The following KPNA5 variants were observed in gnomAD, a reference collection of about 807,000 sequenced individuals.
KPNA5 encodes the protein karyopherin subunit alpha 5, also known as importin subunit alpha-6.
KPNA5 carries 46 observed loss-of-function variants against 71.3 expected under a neutral mutation model. The ratio of observed to expected loss-of-function variants is 0.65; its 90% CI spans 0.51 to 0.83. KPNA5 has a LOEUF of 0.83. Ranked by LOEUF, KPNA5 falls within the 40% of genes least tolerant of loss-of-function variation. The pLI is 0.00. For synonymous variants in KPNA5, 207 were observed against 201.4 expected, an observed-to-expected ratio of 1.03 and a Z score of -0.24; for missense variants, 547 against 628.3, an observed-to-expected ratio of 0.87 and a Z score of 1.38.
At chr6:116,707,703 T>G (rs992531352) in intron 7 of KPNA5, among the ~76,000 whole-genome samples, 1 of 152,236 alleles carries the variant, frequency 6.6e-6, no homozygotes, top group Non-Finnish European at 1.5e-5. Context: ...TCTGTTGTAT[T>G]TTGGGGAAAT....
intron 4 of KPNA5, among the ~76,000 whole-genome samples, chr6:116,694,031 A>G (rs12179573): frequency 0.021 from 3,153 of 152,248 alleles, 40 homozygotes; most frequent in African/African-American, 0.072. Context: ...AGGTTTGTCA[A>G]AGATCAGATA....
intron 2 of KPNA5, among the ~76,000 whole-genome samples, chr6:116,691,432 T>C (rs1323888352): frequency 6.6e-6 from 1 of 152,072 alleles, no homozygotes; most frequent in Non-Finnish European, 1.5e-5. Context: ...TATTTTTTAT[T>C]GTTATTATTA....
At chr6:116,717,258 T>G (rs1202628805) in intron 8 of KPNA5, among the ~76,000 whole-genome samples, 1 of 152,226 alleles carries the variant, frequency 6.6e-6, no homozygotes, top group East Asian at 1.9e-4. Context: ...TGTCTTAGTA[T>G]TATTATGAAA....
Position 116,701,717 on chromosome 6 carries a change from G to C in KPNA5, c.436-302G>C, listed in dbSNP as rs1047439195. ...TGCTTGCCTCTGTAATAATAAACAG[G>C]AGTTTTATGCATTATAAATTCAAAG... On this transcript the variant is annotated intron_variant, in intron 5 of 13. Transcript: ENST00000368564. Among the ~76,000 whole-genome samples the C allele has an allele frequency of 1.5e-3, 221 of 151,606 alleles. 2 individuals carry two copies. Among genetic ancestry groups the C allele is most frequent in the Non-Finnish European group, 6.9e-4 (47 of 67,988 alleles).
In KPNA5 at chr6:116,737,026, T is replaced by C. The variant is rs1276652418; in HGVS notation, c.*4703T>C. On this transcript the variant is annotated 3_prime_UTR_variant, in exon 14 of 14. Transcript: ENST00000368564. ...TCTGTCATTTCTTGCTCTGTTTCTG[T>C]TTATTGATTTTTTTATTATGAGTTG... The C allele has an allele frequency of 6.6e-6, 1 of 151,936 alleles. No individual in the cohort carries two copies. Among genetic ancestry groups the C allele is most frequent in the African/African-American group, 2.4e-5 (1 of 41,406 alleles). 9.4% of individuals were successfully genotyped at this position (151,936 alleles called of 1,614,324 possible).
In KPNA5 at chr6:116,681,226, C is replaced by T. The variant is rs1167911578; in HGVS notation, c.-109C>T. The T allele has an allele frequency of 8.1e-6, 12 of 1,483,868 alleles. No individual in the cohort carries two copies. Among genetic ancestry groups the T allele is most frequent in the East Asian group, 2.3e-5 (1 of 43,250 alleles). 91.9% of individuals were successfully genotyped at this position (1,483,868 alleles called of 1,614,324 possible). On this transcript the variant is annotated 5_prime_UTR_variant, in exon 1 of 14. Coordinates refer to ENST00000368564, the MANE Select transcript of KPNA5 (RefSeq NM_001366306.2). Reference sequence around the variant, plus strand: ...GGTGGCCGCCATCTTGGATTGCGAACTGGGTCGCTACGCTTCACGCCAGGG... The same window carrying T: ...GGTGGCCGCCATCTTGGATTGCGAATTGGGTCGCTACGCTTCACGCCAGGG...
rs577720209 is a variant in KPNA5 at position 116,707,679 on chromosome 6, A to G, written c.656+2519A>G. On this transcript the variant is annotated intron_variant, in intron 7 of 13. Transcript: ENST00000368564. ...CTTAGCATACAAAAGCAGTATAACT[A>G]TTTTATTTCTAAATCTGTTGTATTT... Among the ~76,000 whole-genome samples the G allele has an allele frequency of 1.2e-4, 19 of 152,330 alleles. No homozygotes were observed. The South Asian group carries it at 3.5e-3, about 28-fold the overall frequency.
chr6:116,703,567 G>C (rs1042268858), intron 6 of KPNA5, among the ~76,000 whole-genome samples: 9 of 152,010 alleles, frequency 5.9e-5, no homozygotes, highest in Non-Finnish European at 1.2e-4. Context: ...CCGGCCAAAA[G>C]ATAAAATTTT....
intron 8 of KPNA5, among the ~76,000 whole-genome samples, chr6:116,717,807 G>C (rs1778944834): frequency 1.3e-5 from 2 of 152,058 alleles, no homozygotes; most frequent in Admixed American, 1.3e-4. Flanking sequence ...CCTTACACTT[G>C]GGAGGTGAGC....
At chr6:116,730,120 T>TC (rs1241684281) in intron 13 of KPNA5, among the ~76,000 whole-genome samples, 6 of 146,312 alleles carry the variant, frequency 4.1e-5, no homozygotes, top group Middle Eastern at 3.2e-3. Context: ...ACAGTTTTAC[T>TC]CCGTCTCCCA....
At chr6:116,683,568 G>GT (rs1777443993) in intron 1 of KPNA5, among the ~76,000 whole-genome samples, 1 of 151,918 alleles carries the variant, frequency 6.6e-6, no homozygotes, top group Admixed American at 6.6e-5. Context: ...ATGTTGAGCG[G>GT]TTTCCCTCTT....
intron 5 of KPNA5, among the ~76,000 whole-genome samples, chr6:116,701,723 T>TA (rs1460615253): frequency 6.6e-6 from 1 of 152,222 alleles, no homozygotes; most frequent in Non-Finnish European, 1.5e-5. Flanking sequence ...ACAGGAGTTT[T>TA]ATGCATTATA....
At chr6:116,722,323 T>G (rs772033025) in intron 9 of KPNA5, 34 bp downstream of exon 9, 1 of 1,494,942 alleles carries the variant, frequency 6.7e-7, no homozygotes, top group Admixed American at 2.0e-5. Flanking sequence ...AATAATTGTA[T>G]GATTGAGATT....
At chr6:116,720,601 C>T (rs1779067360) in intron 8 of KPNA5, among the ~76,000 whole-genome samples, 1 of 152,108 alleles carries the variant, frequency 6.6e-6, no homozygotes, top group Non-Finnish European at 1.5e-5. Flanking sequence ...CCTGTTATTC[C>T]AGCATTTTGG....
In KPNA5 at chr6:116,719,505, AGAT is replaced by A. The variant is rs556970162; in HGVS notation, c.757-2619_757-2617del. 2.8e-3 allele frequency among the ~76,000 whole-genome samples: 431 copies of A among 152,288 alleles called. 4 individuals carry two copies. The highest frequency in any genetic ancestry group is 1.0e-2 in the African/African-American group (415 of 41,566). The stretch of plus-strand genomic sequence containing the variant: ...ACAGATTTTGCATTCTTTTGCTGGA[AGAT>A]GGGTAGATTGGGTTGAGGTATAGAG... On this transcript the variant is annotated intron_variant, in intron 8 of 13. Transcript: ENST00000368564.
intron 1 of KPNA5, among the ~76,000 whole-genome samples, chr6:116,686,497 G>A (rs913067067): frequency 2.0e-5 from 3 of 152,046 alleles, no homozygotes; most frequent in Non-Finnish European, 4.4e-5. Flanking sequence ...CCATTCTGTA[G>A]GTTGTCTTTT....
In KPNA5 at chr6:116,724,311, A is replaced by C. The variant is rs1283860300; in HGVS notation, c.935A>C (p.Lys312Thr). Residue 312 changes from lysine (K) to threonine (T), a missense_variant, in exon 10 of 14, where the codon AAA becomes ACA. Lys to Thr is a moderately conservative substitution (Grantham distance 78, BLOSUM62 -1). Coordinates refer to ENST00000368564, the MANE Select transcript of KPNA5 (RefSeq NM_001366306.2). The stretch of plus-strand genomic sequence containing the variant: ...ATTATTTTTAGGCACAATGATTATA[A>C]AGTTGTATCACCTGCATTAAGGGCA... ...LVELLMHNDYKVVSPALRAVG... is the reference protein window; with the variant it reads ...LVELLMHNDYTVVSPALRAVG... 6.2e-7 allele frequency: 1 copy of C among 1,605,892 alleles called. No individual in the cohort carries two copies. The highest frequency in any genetic ancestry group is 8.5e-7 in the Non-Finnish European group (1 of 1,173,446).
At chr6:116,691,485 C>A (rs1163565586) in intron 2 of KPNA5, among the ~76,000 whole-genome samples, 6 of 152,156 alleles carry the variant, frequency 3.9e-5, no homozygotes, top group Non-Finnish European at 8.8e-5. Flanking sequence ...GTGGAACTCA[C>A]AGATATGGAG....
chr6:116,700,651 G>A lies in KPNA5; in HGVS notation c.436-1368G>A, dbSNP rs542704476. 2.0e-5 allele frequency among the ~76,000 whole-genome samples: 3 copies of A among 152,214 alleles called. No individual in the cohort carries two copies. In the East Asian group the frequency reaches 5.8e-4, roughly 29 times the overall value. On this transcript the variant is annotated intron_variant, in intron 5 of 13. Transcript: ENST00000368564. ...CCATCTAACAGGCCTTAAATTGGGG[G>A]CCTACAAACAAGTTTTGTTGGCCTG...
Sources: gnomAD v4.1 joint callset for allele counts (sites outside exome capture counted in the v4.1 genomes callset) on GRCh38, gnomAD v4.1.1 for gene constraint, MANE v1.5 for transcripts, NCBI Gene and HGNC (gene_info 2026-07-23, HGNC 2026-07-21) for gene names.